The following SMPDL3A variants were observed in gnomAD, a reference collection of about 807,000 sequenced individuals.
SMPDL3A encodes cyclic GMP-AMP phosphodiesterase SMPDL3A.
A neutral mutation model predicts 38.5 loss-of-function variants in SMPDL3A; 39 were observed. The ratio of observed to expected loss-of-function variants is 1.01; its 90% CI spans 0.78 to 1.32. SMPDL3A has a LOEUF of 1.32. SMPDL3A is among the 40% of genes most tolerant of loss of function. The pLI is 0.00. For synonymous variants in SMPDL3A, 180 were observed against 194.3 expected (o/e 0.93, Z 0.61); for missense variants, 502 against 536.2 (o/e 0.94, Z 0.63).
chr6:122,799,980 T>C (rs1781374275), intron 3 of SMPDL3A, among the ~76,000 whole-genome samples: 1 of 149,058 alleles, frequency 6.7e-6, no homozygotes, highest in Admixed American at 6.6e-5. Flanking sequence ...TTTTTTTTTT[T>C]TGAAACAGGG....
intron 3 of SMPDL3A, among the ~76,000 whole-genome samples, 172 bp from the exon 4 acceptor site, chr6:122,801,137 AT>A (rs1781417153): frequency 6.6e-6 from 1 of 152,160 alleles, no homozygotes; most frequent in Non-Finnish European, 1.5e-5. Context: ...AATTGGTTAC[AT>A]TTTATCCCCC....
chr6:122,799,698 C>CA (rs1781363494), intron 3 of SMPDL3A, among the ~76,000 whole-genome samples: 1 of 152,150 alleles, frequency 6.6e-6, no homozygotes, highest in Non-Finnish European at 1.5e-5. Flanking sequence ...TAAAACAAGT[C>CA]ATTTGGTTAT....
intron 1 of SMPDL3A, among the ~76,000 whole-genome samples, chr6:122,791,875 A>G (rs1781089367): frequency 6.6e-6 from 1 of 152,012 alleles, no homozygotes; most frequent in South Asian, 2.1e-4. Flanking sequence ...TTGTACTTTT[A>G]GTAGAGACGG....
Position 122,796,806 on chromosome 6 carries a change from A to G in SMPDL3A, c.327-18A>G, listed in dbSNP as rs750051501. ...TATGAAACTGATTTTGTTCTTTACA[A>G]TCTCTCTCTTTTTTCAGGGATAGCC... On this transcript the variant is annotated intron_variant, in intron 2 of 7. Coordinates refer to ENST00000368440, the MANE Select transcript of SMPDL3A (RefSeq NM_006714.5). 3.1e-6 allele frequency: 5 copies of G among 1,607,162 alleles called. No homozygotes were observed. The highest frequency in any genetic ancestry group is 2.2e-5 in the East Asian group (1 of 44,786).
intron 3 of SMPDL3A, among the ~76,000 whole-genome samples, chr6:122,799,277 G>C (rs925179499): frequency 6.6e-6 from 1 of 152,110 alleles, no homozygotes; most frequent in Non-Finnish European, 1.5e-5. Flanking sequence ...TTTCCATTAG[G>C]CTTCATTTCT....
intron 1 of SMPDL3A, among the ~76,000 whole-genome samples, chr6:122,792,638 C>T (rs547660091): frequency 0.026 from 3,620 of 140,782 alleles, 285 homozygotes; most frequent in Admixed American, 0.18. Context: ...TCTTCTTCCC[C>T]TTTTTTTTTT....
rs780559794 is a variant in SMPDL3A at position 122,805,068 on chromosome 6, A to G, written c.898A>G (p.Met300Val). 2.9e-5 allele frequency: 47 copies of G among 1,604,950 alleles called. No homozygotes were observed. The highest frequency in any genetic ancestry group is 3.9e-5 in the Non-Finnish European group (46 of 1,176,980). ...TGGACACACTCACAGAGACAGCATT[A>G]TGGTTCTTTCAGATAAAAAAGGTAA... ...FYGHTHRDSI[M>V]VLSDKKGSPV... The change falls in exon 6 of 8, where the codon ATG becomes GTG. Residue 300 changes from methionine to valine, a missense_variant. Transcript: ENST00000368440.
intron 1 of SMPDL3A, chr6:122,789,983 C>A: frequency 3.2e-6 from 2 of 621,638 alleles, no homozygotes; most frequent in Non-Finnish European, 4.0e-6. Flanking sequence ...GCCACTCACC[C>A]AGCCAGAGCG....
At chr6:122,799,180 G>A (rs1781345458) in intron 3 of SMPDL3A, among the ~76,000 whole-genome samples, 1 of 152,188 alleles carries the variant, frequency 6.6e-6, no homozygotes, top group African/African-American at 2.4e-5. Context: ...ACATCCTGGA[G>A]AATTCTTCCT....
Position 122,804,958 on chromosome 6 carries a change from A to T in SMPDL3A, c.788A>T (p.Asn263Ile). The change falls in exon 6 of 8, where the codon AAC (asparagine) becomes ATC (isoleucine). Residue 263 changes from asparagine (N) to isoleucine (I), a missense_variant. Asn to Ile is a moderately radical substitution (Grantham distance 149, BLOSUM62 -3). Coordinates refer to ENST00000368440, the MANE Select transcript of SMPDL3A (RefSeq NM_006714.5). ...VPVGYLPSSQ[N>I]ITAMREYYNE... ...GTGGGGTATCTGCCATCTTCACAGA[A>T]CATCACAGCAATGAGAGAATACTAT... The T allele has an allele frequency of 6.2e-7, 1 of 1,613,362 alleles. No homozygotes were observed. Among genetic ancestry groups the T allele is most frequent in the Non-Finnish European group, 8.5e-7 (1 of 1,179,812 alleles).
rs145707718 is a variant in SMPDL3A at position 122,789,593 on chromosome 6, C to T, written c.112+135C>T. The T allele has an allele frequency of 2.9e-4, 251 of 865,366 alleles. No homozygotes were observed. In the African/African-American group the frequency reaches 4.1e-3, roughly 14 times the overall value. The allele number at this position is 865,366 out of a possible 1,614,324, so 53.6% of individuals were successfully genotyped here. ...GGGCTAGCGGGGCCCCTGACGCGTC[C>T]GGCGTTGACCACGGCTGGTGGGCGC... On this transcript the variant is annotated intron_variant, in intron 1 of 7. Transcript: ENST00000368440.
At chr6:122,789,926 C>T (rs1781017294) in intron 1 of SMPDL3A, 1 of 931,992 alleles carries the variant, frequency 1.1e-6, no homozygotes, top group South Asian at 4.9e-5. Context: ...TTCAGCGTGA[C>T]TCACACTATC....
intron 2 of SMPDL3A, 34 bp downstream of exon 2, chr6:122,795,924 A>T (rs1562348985): frequency 6.9e-7 from 1 of 1,439,544 alleles, no homozygotes. Flanking sequence ...TAATTACTCA[A>T]TATTTATTTA....
chr6:122,795,268 A>C (rs1254545590), intron 1 of SMPDL3A, among the ~76,000 whole-genome samples: 2 of 152,044 alleles, frequency 1.3e-5, no homozygotes, highest in African/African-American at 2.4e-5. Context: ...CAGCTTCCCA[A>C]ATAGCTGGGA....
chr6:122,800,855 A>AT (rs1458803450), intron 3 of SMPDL3A, among the ~76,000 whole-genome samples: 1 of 151,910 alleles, frequency 6.6e-6, no homozygotes, highest in Non-Finnish European at 1.5e-5. Context: ...GATTCCAGTG[A>AT]TTTTCCTGCC....
At chr6:122,792,121 A>T (rs1467578987) in intron 1 of SMPDL3A, among the ~76,000 whole-genome samples, 1 of 152,258 alleles carries the variant, frequency 6.6e-6, no homozygotes, top group Non-Finnish European at 1.5e-5. Context: ...GGAAACACAC[A>T]TAGGCACACA....
chr6:122,803,452 G>A (rs1018569717), intron 4 of SMPDL3A, among the ~76,000 whole-genome samples: 1 of 152,162 alleles, frequency 6.6e-6, no homozygotes, highest in Non-Finnish European at 1.5e-5. Flanking sequence ...TATGTTGGAA[G>A]CGATAGCACG....
At chr6:122,809,049 G>A (rs747947024) in intron 7 of SMPDL3A, 42 bp from the exon 8 acceptor site, 1 of 1,488,610 alleles carries the variant, frequency 6.7e-7, no homozygotes, top group Non-Finnish European at 9.3e-7. Context: ...TGCCTTATGT[G>A]CCAAAAAGTG....
intron 1 of SMPDL3A, among the ~76,000 whole-genome samples, chr6:122,793,399 C>T (rs1374540887): frequency 1.3e-5 from 2 of 152,128 alleles, no homozygotes; most frequent in Non-Finnish European, 2.9e-5. Context: ...TGACTCTGGC[C>T]TCCACTCTTA....
Sources: allele counts gnomAD v4.1 joint callset (sites outside exome capture counted in the v4.1 genomes callset), GRCh38; gene constraint gnomAD v4.1.1; transcripts MANE v1.5; gene names NCBI Gene and HGNC (gene_info 2026-07-23, HGNC 2026-07-21).